The following SOBP variants were observed in gnomAD, a reference collection of about 807,000 sequenced individuals.
The protein encoded by SOBP is sine oculis-binding protein homolog.
Under a neutral mutation model 53.6 loss-of-function variants are expected in SOBP, and 4 were observed. That is an observed-to-expected ratio of 0.07 (90% confidence interval 0.04 to 0.17). The LOEUF is 0.17. Among genes scored for constraint, SOBP ranks in the 10% least tolerant of loss-of-function variants. SOBP has a pLI of 1.00. For missense variants in SOBP, 1,088 were observed against 1,204.7 expected (o/e 0.90, Z 1.43); for synonymous variants, 584 against 522.6 (o/e 1.12, Z -1.60).
chr6:107,534,191 C>T (rs1040494571), intron 4 of SOBP, among the ~76,000 whole-genome samples: 6 of 152,132 alleles, frequency 3.9e-5, no homozygotes, highest in Admixed American at 2.0e-4. Context: ...TTGTGAGGAG[C>T]GTGGTGGGTA....
chr6:107,621,225 C>T (rs1471550451), intron 5 of SOBP: 1 of 429,896 alleles, frequency 2.3e-6, no homozygotes, highest in African/African-American at 2.1e-5. Context: ...TCTTGGTTCA[C>T]ACCATTTAAC....
At chr6:107,504,711 C>T (rs189398764) in intron 2 of SOBP, among the ~76,000 whole-genome samples, 69 of 152,354 alleles carry the variant, frequency 4.5e-4, no homozygotes, top group Admixed American at 3.6e-3. Flanking sequence ...ATAGAGCTTT[C>T]CCTTCTTATA....
intron 5 of SOBP, among the ~76,000 whole-genome samples, chr6:107,614,898 T>C (rs1276271201): frequency 6.6e-6 from 1 of 152,250 alleles, no homozygotes; most frequent in Non-Finnish European, 1.5e-5. Context: ...CGTAAATTTC[T>C]GAAATATTTA....
Position 107,635,398 on chromosome 6 carries a change from G to C in SOBP, c.2554G>C (p.Ala852Pro), listed in dbSNP as rs1321997422. Residue 852 changes from alanine (A) to proline (P), a missense_variant, in exon 6 of 7, where the codon GCC becomes CCC. By Grantham distance (27) the Ala-to-Pro change is conservative. Transcript: ENST00000317357. This position sits in a 1 kb window ranked among gnomAD's most constrained non-coding sequence, Gnocchi z 4.5. ...PCIISSPMLS[A>P]GPEDLEPPLK... ...CATCATCTCCTCGCCCATGCTCAGC[G>C]CCGGGCCTGAGGACCTGGAGCCGCC... 2 of 1,613,266 alleles carry C rather than the reference G, an allele frequency of 1.2e-6. No homozygotes were observed. Among genetic ancestry groups the C allele is most frequent in the Non-Finnish European group, 1.7e-6 (2 of 1,180,022 alleles).
chr6:107,635,791 C>T lies in SOBP; in HGVS notation c.*3+322C>T, dbSNP rs1229353744. Among the ~76,000 whole-genome samples the T allele has an allele frequency of 1.3e-5, 2 of 152,156 alleles. No individual in the cohort carries two copies. Among genetic ancestry groups the T allele is most frequent in the Non-Finnish European group, 2.9e-5 (2 of 68,042 alleles). Reference sequence around the variant, plus strand: ...TCCAATTACACTTTATTATCATGCTCATCTCCGTAAATCACCCTATTGGAG... The same window carrying T: ...TCCAATTACACTTTATTATCATGCTTATCTCCGTAAATCACCCTATTGGAG... On this transcript the variant is annotated intron_variant, in intron 6 of 6. Coordinates refer to ENST00000317357, the MANE Select transcript of SOBP (RefSeq NM_018013.4). The surrounding 1 kb of genome is among the most constrained non-coding windows in gnomAD (Gnocchi z 4.5).
chr6:107,543,420 C>T lies in SOBP; in HGVS notation c.573+9810C>T, dbSNP rs569305583. 4.6e-5 allele frequency among the ~76,000 whole-genome samples: 7 copies of T among 152,338 alleles called. 1 individual carries two copies. The South Asian group carries it at 1.4e-3, about 32-fold the overall frequency. On this transcript the variant is annotated intron_variant, in intron 4 of 6. Transcript: ENST00000317357. ...TTGAAATTCATACTCATTGTCTATG[C>T]TTACATTACATGCTCATACCTGAAT...
intron 5 of SOBP, among the ~76,000 whole-genome samples, chr6:107,617,952 C>T (rs1195537750): frequency 6.6e-6 from 1 of 151,298 alleles, no homozygotes; most frequent in Non-Finnish European, 1.5e-5. Flanking sequence ...CTCAGCCTCC[C>T]AAGTAGCTGG....
chr6:107,498,477 C>A (rs569515416), intron 1 of SOBP, among the ~76,000 whole-genome samples: 2 of 151,992 alleles, frequency 1.3e-5, no homozygotes, highest in Non-Finnish European at 2.9e-5. Flanking sequence ...AGGTATTTTG[C>A]GAATTTGTAA....
At chr6:107,516,322 T>G (rs1783319232) in intron 3 of SOBP, among the ~76,000 whole-genome samples, 1 of 151,182 alleles carries the variant, frequency 6.6e-6, no homozygotes, top group South Asian at 2.1e-4. Flanking sequence ...ATTAGTAGGG[T>G]GTGGTGATGC....
At chr6:107,495,092 G>T (rs1367957250) in intron 1 of SOBP, among the ~76,000 whole-genome samples, 1 of 152,170 alleles carries the variant, frequency 6.6e-6, no homozygotes, top group African/African-American at 2.4e-5. Flanking sequence ...TAATTCTCAG[G>T]AACTTAGAAA....
intron 3 of SOBP, among the ~76,000 whole-genome samples, chr6:107,528,514 G>A (rs1020437716): frequency 3.3e-5 from 5 of 152,176 alleles, no homozygotes; most frequent in African/African-American, 1.2e-4. Flanking sequence ...ACTTGCTGGT[G>A]CGAGTTATAC....
intron 6 of SOBP, among the ~76,000 whole-genome samples, chr6:107,650,593 T>C (rs1292879200): frequency 2.0e-5 from 3 of 152,232 alleles, no homozygotes; most frequent in African/African-American, 7.2e-5. Context: ...ATTGTCATTG[T>C]TTTGGGACAC....
intron 5 of SOBP, among the ~76,000 whole-genome samples, chr6:107,593,091 G>T (rs1487939476): frequency 1.3e-5 from 2 of 152,142 alleles, no homozygotes; most frequent in Admixed American, 1.3e-4. Flanking sequence ...CCTCTCTTCA[G>T]CCTGTTGGCT....
At position 107,550,564 on chromosome 6, in the gene SOBP, C is replaced by T. The variant is rs149764778; in HGVS notation, c.573+16954C>T. Reference sequence around the variant, plus strand: ...TTGAATGGGGAGAGCAACCAGTAAACAAATGACATGATGTGAGGCATGCTG... The same window carrying T: ...TTGAATGGGGAGAGCAACCAGTAAATAAATGACATGATGTGAGGCATGCTG... On this transcript the variant is annotated intron_variant, in intron 4 of 6. Transcript: ENST00000317357. 6.8e-4 allele frequency among the ~76,000 whole-genome samples: 104 copies of T among 152,286 alleles called. 2 individuals are homozygous for T. The East Asian group carries it at 0.019, about 28-fold the overall frequency.
At chr6:107,608,704 C>T (rs1281185147) in intron 5 of SOBP, among the ~76,000 whole-genome samples, 2 of 152,178 alleles carry the variant, frequency 1.3e-5, no homozygotes, top group Non-Finnish European at 1.5e-5. Flanking sequence ...TCTTATACTA[C>T]GTGCAAGGTC....
chr6:107,604,746 AGCGGG>A (rs1786308278), intron 5 of SOBP, among the ~76,000 whole-genome samples: 1 of 152,132 alleles, frequency 6.6e-6, no homozygotes, highest in African/African-American at 2.4e-5. Flanking sequence ...TTGGCCCTGA[AGCGGG>A]GTGAGGTTTC....
At chr6:107,542,085 G>A (rs1784164683) in intron 4 of SOBP, among the ~76,000 whole-genome samples, 1 of 152,192 alleles carries the variant, frequency 6.6e-6, no homozygotes, top group Non-Finnish European at 1.5e-5. Context: ...TCTAGCGGGG[G>A]AGATAGATGA....
intron 3 of SOBP, chr6:107,529,703 G>A: frequency 1.2e-6 from 1 of 817,540 alleles, no homozygotes; most frequent in South Asian, 5.6e-5. Flanking sequence ...CACCAGATAA[G>A]GCAATTTCTC....
chr6:107,513,897 G>A (rs1428039439), intron 3 of SOBP: 4 of 152,552 alleles, frequency 2.6e-5, no homozygotes, highest in Non-Finnish European at 5.9e-5. Context: ...TATGCTAGTA[G>A]ATTTATATCA....
Sources: gnomAD v4.1 joint callset for allele counts (sites outside exome capture counted in the v4.1 genomes callset) on GRCh38, gnomAD v4.1.1 for gene constraint, Gnocchi (gnomAD v3.1) non-coding constraint, MANE v1.5 for transcripts, NCBI Gene and HGNC (gene_info 2026-07-23, HGNC 2026-07-21) for gene names.